MMAA: variants seen among roughly 807,000 people sequenced by gnomAD.
MMAA encodes the protein methylmalonic aciduria type A protein, mitochondrial.
Under a neutral mutation model 45.0 loss-of-function variants are expected in MMAA, and 41 were observed. That is an observed-to-expected ratio of 0.91 (90% CI 0.71 to 1.18). MMAA has a LOEUF of 1.18. Ranked by LOEUF, MMAA falls within the 50% of genes most tolerant of loss-of-function variation. The pLI, the probability that MMAA is intolerant of heterozygous loss-of-function variation, is 0.00. For missense variants in MMAA, 460 were observed against 495.7 expected, an observed-to-expected ratio of 0.93 and a Z score of 0.68; for synonymous variants, 154 against 178.2, an observed-to-expected ratio of 0.86 and a Z score of 1.08.
At chr4:145,625,063 A>G in intron 1 of MMAA, 1 of 916,378 alleles carries the variant, frequency 1.1e-6, no homozygotes, top group South Asian at 1.3e-5. Context: ...CATGACTGCC[A>G]TTCTCGGGCT....
At chr4:145,647,070 T>A (rs1180619313) in intron 4 of MMAA, among the ~76,000 whole-genome samples, 1 of 152,106 alleles carries the variant, frequency 6.6e-6, no homozygotes, top group Non-Finnish European at 1.5e-5. Flanking sequence ...GAAGGAGGGC[T>A]AGAATAGAAT....
At chr4:145,630,362 C>T (rs529706783) in intron 1 of MMAA, among the ~76,000 whole-genome samples, 43 of 152,282 alleles carry the variant, frequency 2.8e-4, no homozygotes, top group African/African-American at 1.0e-3. Flanking sequence ...TTTTTCATCT[C>T]TGCATTTATT....
chr4:145,630,248 A>G (rs183449432), intron 1 of MMAA, among the ~76,000 whole-genome samples: 1 of 152,230 alleles, frequency 6.6e-6, no homozygotes, highest in Admixed American at 6.5e-5. Context: ...ATGTCTAGGA[A>G]TTTATCCATT....
At position 145,654,163 on chromosome 4, in the gene MMAA, G is replaced by C. The variant is rs778860275; in HGVS notation, c.969+20G>C. 1.2e-6 allele frequency: 2 copies of C among 1,613,948 alleles called. No homozygotes were observed. Among genetic ancestry groups the C allele is most frequent in the Admixed American group, 1.7e-5 (1 of 60,006 alleles). On this transcript the variant is annotated intron_variant, in intron 6 of 6. Coordinates refer to ENST00000649156, the MANE Select transcript of MMAA (RefSeq NM_172250.3). The stretch of plus-strand genomic sequence containing the variant: ...CCAAAGGTAAGCTTGCTTGCATTCT[G>C]TATCTTTCACTCTGAATGGATTGTG...
chr4:145,655,445 C>A lies in MMAA; in HGVS notation c.*11C>A. 2 of 1,600,256 alleles carry A rather than the reference C, an allele frequency of 1.2e-6. No homozygotes were observed. Among genetic ancestry groups the A allele is most frequent in the South Asian group, 2.3e-5 (2 of 88,564 alleles). ...AAAAGCAGAGACTAATAAAATTCAT[C>A]CTGTATAATAATTTTACATATCATT... On this transcript the variant is annotated 3_prime_UTR_variant, in exon 7 of 7. Coordinates refer to ENST00000649156, the MANE Select transcript of MMAA (RefSeq NM_172250.3).
At chr4:145,626,536 C>A (rs548972818) in intron 1 of MMAA, among the ~76,000 whole-genome samples, 20 of 152,128 alleles carry the variant, frequency 1.3e-4, no homozygotes, top group Admixed American at 7.2e-4. Flanking sequence ...TCATTTTGGC[C>A]TAAGCAAAAA....
At chr4:145,647,157 G>C (rs1441744545) in intron 4 of MMAA, among the ~76,000 whole-genome samples, 4 of 152,180 alleles carry the variant, frequency 2.6e-5, no homozygotes, top group African/African-American at 9.7e-5. Context: ...ATGGCGATGA[G>C]ATAGATCAAC....
intron 1 of MMAA, among the ~76,000 whole-genome samples, chr4:145,622,721 G>A (rs1734114184): frequency 6.6e-6 from 1 of 152,164 alleles, no homozygotes; most frequent in Non-Finnish European, 1.5e-5. Context: ...AATACAGTGT[G>A]TTTGGCCTCA....
At chr4:145,641,781 C>T (rs115503218) in intron 2 of MMAA, among the ~76,000 whole-genome samples, 3,588 of 152,252 alleles carry the variant, frequency 0.024, 67 homozygotes, top group Non-Finnish European at 0.039. Flanking sequence ...GTGCTCTTAC[C>T]GGCCGTGCAC....
At position 145,655,236 on chromosome 4, in the gene MMAA, G is replaced by A. The variant is rs552250080; in HGVS notation, c.1059G>A (p.Gly353=). The A allele has an allele frequency of 1.5e-5, 24 of 1,614,164 alleles. 1 individual carries two copies. In the South Asian group the frequency reaches 2.5e-4, roughly 17 times the overall value. The change falls in exon 7 of 7, where the codon GGG becomes GGA. Residue 353 remains glycine (G), a synonymous_variant. Transcript: ENST00000649156. ...TCCAGGACCTAATGCTTGCCAGTGGGGAGCTGACTGCCAAACGACGGAAGC... is the reference window on the plus strand; with the variant it reads ...TCCAGGACCTAATGCTTGCCAGTGGAGAGCTGACTGCCAAACGACGGAAGC... ...KDFQDLMLAS[G]ELTAKRRKQQ... is the part of the protein sequence containing the mutation.
chr4:145,654,031 T>C lies in MMAA; in HGVS notation c.857T>C (p.Val286Ala). Residue 286 changes from valine (V) to alanine (A), a missense_variant, in exon 6 of 7, where the codon GTA becomes GCA. By Grantham distance (64) the Val-to-Ala change is moderately conservative. Transcript: ENST00000649156. ...KRGIIEMADL[V>A]AVTKSDGDLI... Reference sequence around the variant, plus strand: ...GGTATAATCGAGATGGCAGATCTGGTAGCTGTAACTAAATCTGATGGAGAC... The same window carrying C: ...GGTATAATCGAGATGGCAGATCTGGCAGCTGTAACTAAATCTGATGGAGAC... 1 of 1,614,178 alleles carries C rather than the reference T, an allele frequency of 6.2e-7. No individual in the cohort carries two copies. The highest frequency in any genetic ancestry group is 8.5e-7 in the Non-Finnish European group (1 of 1,180,010).
intron 1 of MMAA, among the ~76,000 whole-genome samples, chr4:145,638,613 C>T (rs1389834722): frequency 1.3e-5 from 2 of 152,160 alleles, no homozygotes; most frequent in African/African-American, 4.8e-5. Context: ...TAAACTTACA[C>T]CTGAAGTGCC....
chr4:145,634,858 G>C (rs1229652231), intron 1 of MMAA, among the ~76,000 whole-genome samples: 1 of 151,948 alleles, frequency 6.6e-6, no homozygotes, highest in Non-Finnish European at 1.5e-5. Flanking sequence ...TCAGGAGCTA[G>C]GGCCTGGAAG....
At chr4:145,652,746 C>A (rs541253628) in intron 5 of MMAA, among the ~76,000 whole-genome samples, 196 of 151,822 alleles carry the variant, frequency 1.3e-3, no homozygotes, top group African/African-American at 4.3e-3. Flanking sequence ...ACAACAACAA[C>A]AAAAAAACCC....
chr4:145,632,883 G>T (rs1021582300), intron 1 of MMAA, among the ~76,000 whole-genome samples: 1 of 151,666 alleles, frequency 6.6e-6, no homozygotes, highest in Admixed American at 6.6e-5. Flanking sequence ...TCGGCCTCCT[G>T]AGTAACTGGG....
intron 4 of MMAA, chr4:145,646,370 G>T: frequency 1.8e-6 from 1 of 544,816 alleles, no homozygotes; most frequent in Non-Finnish European, 3.2e-6. Flanking sequence ...CATCTATCTG[G>T]ATAACTGTTA....
At position 145,645,087 on chromosome 4, in the gene MMAA, G is replaced by A. The variant is rs537443670; in HGVS notation, c.563-899G>A. 3.0e-4 allele frequency among the ~76,000 whole-genome samples: 45 copies of A among 152,320 alleles called. 1 individual carries two copies. Among genetic ancestry groups the A allele is most frequent in the South Asian group, 1.0e-3 (5 of 4,826 alleles). On this transcript the variant is annotated intron_variant, in intron 3 of 6. Transcript: ENST00000649156. ...GCTCCAAATTTTCTAAGTAGTAGGC[G>A]ATTAGAAGCAACAGACTGGGCAGAA...
At chr4:145,636,835 G>C (rs1727624541) in intron 1 of MMAA, among the ~76,000 whole-genome samples, 1 of 152,184 alleles carries the variant, frequency 6.6e-6, no homozygotes, top group Non-Finnish European at 1.5e-5. Context: ...GGTTATTTAA[G>C]ATAAGATAAT....
At position 145,651,131 on chromosome 4, in the gene MMAA, G is replaced by T. The variant is rs764675342; in HGVS notation, c.803G>T (p.Gly268Val). 4 of 1,613,810 alleles carry T rather than the reference G, an allele frequency of 2.5e-6. No individual in the cohort carries two copies. The East Asian group carries it at 6.7e-5, about 27-fold the overall frequency. Residue 268 changes from glycine (G) to valine (V), a missense_variant, in exon 5 of 7, where the codon GGA becomes GTA. By Grantham distance (109) the Gly-to-Val change is moderately radical. Transcript: ENST00000649156. ...DMFVLLLPPA[G>V]GDELQGIKRG... is the part of the protein sequence containing the mutation. Reference sequence around the variant, plus strand: ...TTTGTTTTACTACTGCCACCAGCAGGAGGAGATGAGCTGCAGGTAATTATT... The same window carrying T: ...TTTGTTTTACTACTGCCACCAGCAGTAGGAGATGAGCTGCAGGTAATTATT...
Sources: allele counts gnomAD v4.1 joint callset (sites outside exome capture counted in the v4.1 genomes callset), GRCh38; gene constraint gnomAD v4.1.1; transcripts MANE v1.5; gene names NCBI Gene and HGNC (gene_info 2026-07-23, HGNC 2026-07-21).